The following BMPR2 variants were observed in gnomAD, a reference collection of about 807,000 sequenced individuals.
BMPR2 encodes the protein bone morphogenetic protein receptor type-2.
Under a neutral mutation model 100.8 loss-of-function variants are expected in BMPR2, and 29 were observed. The ratio of observed to expected loss-of-function variants is 0.29; its 90% CI spans 0.21 to 0.39. BMPR2 has a LOEUF of 0.39. Among genes scored for constraint, BMPR2 ranks in the 10% least tolerant of loss-of-function variants. The probability of loss-of-function intolerance (pLI) is 1.00; values close to 1 mark genes in which losing one functional copy is unlikely to be tolerated. For missense variants in BMPR2, 1,011 were observed against 1,274.5 expected (o/e 0.79, Z 3.15); for synonymous variants, 382 against 442.3 (o/e 0.86, Z 1.71).
chr2:202,561,613 C>T lies in BMPR2; in HGVS notation c.*1667C>T, dbSNP rs1688680072. ...TATATAGTTTAGTTCTAAGATAGTT[C>T]CAGGGATTAAAAGGTTAAGAGGAAA... On this transcript the variant is annotated 3_prime_UTR_variant, in exon 13 of 13. Coordinates refer to ENST00000374580, the MANE Select transcript of BMPR2 (RefSeq NM_001204.7). 1.3e-5 allele frequency: 2 copies of T among 151,580 alleles called. No individual in the cohort carries two copies. Among genetic ancestry groups the T allele is most frequent in the African/African-American group, 4.8e-5 (2 of 41,246 alleles). 9.4% of individuals were successfully genotyped at this position (151,580 alleles called of 1,614,324 possible).
In BMPR2 at chr2:202,377,205, C is replaced by G. The variant is rs1313464310; in HGVS notation, c.-270C>G. On this transcript the variant is annotated 5_prime_UTR_variant, in exon 1 of 13. Transcript: ENST00000374580. ...TCTTCTTGGCTCCCTGCTTTCCCCA[C>G]AGACATGCCTTCCGTTTGGAGGGCC... 1.7e-6 allele frequency: 1 copy of G among 599,570 alleles called. No individual in the cohort carries two copies. Among genetic ancestry groups the G allele is most frequent in the African/African-American group, 1.9e-5 (1 of 53,808 alleles). The allele number at this position is 599,570 out of a possible 1,614,324, so 37.1% of individuals were successfully genotyped here.
intron 1 of BMPR2, among the ~76,000 whole-genome samples, chr2:202,380,953 A>ATTTC (rs1574417654): frequency 1.3e-5 from 1 of 79,300 alleles, no homozygotes; most frequent in Non-Finnish European, 2.4e-5. Context: ...CTGGCCCTGG[A>ATTTC]TTTCTTTCTT....
chr2:202,524,862 A>G (rs1033937497), intron 7 of BMPR2, among the ~76,000 whole-genome samples: 1 of 151,874 alleles, frequency 6.6e-6, no homozygotes, highest in African/African-American at 2.4e-5. Context: ...GTGAAACCCC[A>G]TCTCTACTAA....
intron 3 of BMPR2, among the ~76,000 whole-genome samples, chr2:202,476,947 C>CAA (rs35516927): frequency 0.016 from 1,924 of 121,138 alleles, 26 homozygotes; most frequent in African/African-American, 0.036. Context: ...AATCAACTGC[C>CAA]AAAAAAAAAA....
At chr2:202,411,112 A>G (rs939828219) in intron 1 of BMPR2, among the ~76,000 whole-genome samples, 1 of 152,160 alleles carries the variant, frequency 6.6e-6, no homozygotes, top group African/African-American at 2.4e-5. Flanking sequence ...AAAGTGTGGT[A>G]AGAAACACGG....
intron 1 of BMPR2, among the ~76,000 whole-genome samples, chr2:202,452,743 A>G (rs760458058): frequency 1.3e-5 from 2 of 152,270 alleles, no homozygotes; most frequent in Non-Finnish European, 2.9e-5. Context: ...TTAAAACACA[A>G]TGGTGAACAA....
chr2:202,498,890 T>C (rs1693100266), intron 3 of BMPR2, among the ~76,000 whole-genome samples: 1 of 152,194 alleles, frequency 6.6e-6, no homozygotes, highest in Admixed American at 6.5e-5. Flanking sequence ...TTTCTTTTCA[T>C]TGAGGGAGAA....
intron 1 of BMPR2, among the ~76,000 whole-genome samples, chr2:202,382,717 A>G (rs548579307): frequency 1.3e-5 from 2 of 152,362 alleles, no homozygotes; most frequent in Admixed American, 1.3e-4. Context: ...TAAAGTATGT[A>G]GTTTAAGAGG....
intron 2 of BMPR2, among the ~76,000 whole-genome samples, chr2:202,466,828 G>A (rs972647204): frequency 1.9e-4 from 28 of 144,546 alleles, no homozygotes; most frequent in Non-Finnish European, 2.9e-4. Flanking sequence ...AAATTCCTGG[G>A]CTCAAGTGAT....
At position 202,416,485 on chromosome 2, in the gene BMPR2, G is replaced by T. The variant is rs567712061; in HGVS notation, c.76+38935G>T. On this transcript the variant is annotated intron_variant, in intron 1 of 12. Transcript: ENST00000374580. The stretch of plus-strand genomic sequence containing the variant: ...TCTGTCGCTAGGCTGGAGTGCAGTG[G>T]TGCGATCTCGGCTCACTGCAACTTC... Among the ~76,000 whole-genome samples, 11 of 151,130 alleles carry T rather than the reference G, an allele frequency of 7.3e-5. No homozygotes were observed. The South Asian group carries it at 2.1e-3, about 29-fold the overall frequency.
At chr2:202,415,431 A>G (rs925637061) in intron 1 of BMPR2, among the ~76,000 whole-genome samples, 7 of 152,234 alleles carry the variant, frequency 4.6e-5, no homozygotes, top group Non-Finnish European at 1.0e-4. Context: ...AGTTTGCGCC[A>G]TTGCACTCCA....
intron 9 of BMPR2, among the ~76,000 whole-genome samples, chr2:202,535,334 G>A (rs1291773656): frequency 2.8e-4 from 42 of 151,392 alleles, no homozygotes; most frequent in African/African-American, 9.7e-4. Flanking sequence ...CAGACGGGGC[G>A]GTTGCCAGGC....
chr2:202,434,759 G>A (rs1691571231), intron 1 of BMPR2, among the ~76,000 whole-genome samples: 1 of 147,190 alleles, frequency 6.8e-6, no homozygotes, highest in Admixed American at 6.7e-5. Flanking sequence ...AAGTAGCTAG[G>A]ACTACAAGGT....
At chr2:202,531,930 AT>A (rs71035015) in intron 8 of BMPR2, among the ~76,000 whole-genome samples, 641 of 52,228 alleles carry the variant, frequency 0.012, 4 homozygotes, top group African/African-American at 0.046. Flanking sequence ...GCCCAGCTGT[AT>A]TTTTTTTTTT....
intron 3 of BMPR2, chr2:202,469,489 A>AT (rs1242713601): frequency 3.5e-5 from 11 of 317,484 alleles, no homozygotes; most frequent in South Asian, 5.4e-5. Context: ...TTATTTATTT[A>AT]TTTTTTTGAG....
At chr2:202,525,857 CTTTTTTTTTTTTTTT>C (rs386392340) in intron 7 of BMPR2, among the ~76,000 whole-genome samples, 2 of 69,364 alleles carry the variant, frequency 2.9e-5, no homozygotes, top group African/African-American at 1.3e-4. Context: ...TTCAGAGCAT[CTTTTTTTTTTTTTTT>C]TTTTTTTTTT....
intron 1 of BMPR2, among the ~76,000 whole-genome samples, chr2:202,418,024 GT>G (rs111303191): frequency 6.6e-6 from 1 of 151,116 alleles, no homozygotes; most frequent in Non-Finnish European, 1.5e-5. Flanking sequence ...GGCCCGTCAT[GT>G]TTTTTTTTAG....
At chr2:202,458,186 C>T (rs1692158696) in intron 1 of BMPR2, among the ~76,000 whole-genome samples, 1 of 150,446 alleles carries the variant, frequency 6.6e-6, no homozygotes, top group Non-Finnish European at 1.5e-5. Flanking sequence ...GTGGCTCACT[C>T]CTGCAATCCC....
intron 1 of BMPR2, among the ~76,000 whole-genome samples, chr2:202,438,203 C>T (rs952151649): frequency 1.3e-5 from 2 of 150,384 alleles, no homozygotes; most frequent in African/African-American, 5.0e-5. Context: ...ATTCCAGCTA[C>T]TCAGGAGGCT....
Sources: gnomAD v4.1 joint callset for allele counts (sites outside exome capture counted in the v4.1 genomes callset) on GRCh38, gnomAD v4.1.1 for gene constraint, MANE v1.5 for transcripts, NCBI Gene and HGNC (gene_info 2026-07-23, HGNC 2026-07-21) for gene names.